The following ZFHX3 variants were observed in gnomAD, a reference collection of about 807,000 sequenced individuals.
ZFHX3 encodes the protein zinc finger homeobox protein 3.
ZFHX3 carries 42 observed loss-of-function variants against 279.1 expected under a neutral mutation model. The ratio of observed to expected loss-of-function variants is 0.15; its 90% CI spans 0.12 to 0.19. ZFHX3 has a LOEUF of 0.19. Ranked by LOEUF, ZFHX3 falls within the 10% of genes least tolerant of loss-of-function variation. ZFHX3 has a pLI of 1.00. For synonymous variants in ZFHX3, 2,293 were observed against 1,957.8 expected (o/e 1.17, Z -4.52); for missense variants, 4,981 against 4,754.0 (o/e 1.05, Z -1.40).
intron 3 of ZFHX3, among the ~76,000 whole-genome samples, chr16:73,429,927 G>A (rs868614293): frequency 1.2e-4 from 18 of 152,070 alleles, no homozygotes; most frequent in South Asian, 2.1e-4. Context: ...TTGCTCTGTC[G>A]CCCAGGCTGG....
At chr16:73,581,520 AG>A (rs2051860360) in intron 2 of ZFHX3, among the ~76,000 whole-genome samples, 1 of 151,838 alleles carries the variant, frequency 6.6e-6, no homozygotes. Context: ...CTAAGAATCA[AG>A]CTGAAGGGTT....
intron 1 of ZFHX3, among the ~76,000 whole-genome samples, chr16:73,819,109 T>G (rs1250133517): frequency 6.6e-6 from 1 of 152,062 alleles, no homozygotes; most frequent in Admixed American, 6.6e-5. Flanking sequence ...AGCTAGTAAT[T>G]GCTATGCAGT....
chr16:73,499,007 T>A (rs1460937457), intron 2 of ZFHX3, among the ~76,000 whole-genome samples: 1 of 152,202 alleles, frequency 6.6e-6, no homozygotes, highest in Non-Finnish European at 1.5e-5. Context: ...GTGAACTATG[T>A]GTTTATGAGA....
rs747710759 is a variant in ZFHX3 at position 72,797,967 on chromosome 16, T to C, written c.4715A>G (p.Lys1572Arg). 1 of 1,614,068 alleles carries C rather than the reference T, an allele frequency of 6.2e-7. No individual in the cohort carries two copies. Among genetic ancestry groups the C allele is most frequent in the African/African-American group, 1.3e-5 (1 of 74,920 alleles). Residue 1572 changes from lysine (K) to arginine (R), a missense_variant, in exon 9 of 10, where the codon AAG becomes AGG. Transcript: ENST00000268489. ...VHYNSVSHLH[K>R]LKRALQESAT... The stretch of plus-strand genomic sequence containing the variant: ...TGATTCTTGAAGGGCTCTCTTTAAC[T>C]TATGCAGGTGGGAGACAGAATTGTA...
At chr16:72,923,744 TA>T (rs1959277004) in intron 3 of ZFHX3, among the ~76,000 whole-genome samples, 1 of 151,954 alleles carries the variant, frequency 6.6e-6, no homozygotes, top group Non-Finnish European at 1.5e-5. Context: ...GTAGATGAAG[TA>T]GATGAAGTGG....
intron 2 of ZFHX3, among the ~76,000 whole-genome samples, chr16:73,481,132 C>T (rs932708859): frequency 6.6e-6 from 1 of 152,036 alleles, no homozygotes; most frequent in Non-Finnish European, 1.5e-5. Context: ...GGTTTGAGAC[C>T]AGCCCGGCCA....
At chr16:73,645,730 T>C (rs1051601752) in intron 2 of ZFHX3, among the ~76,000 whole-genome samples, 11 of 152,174 alleles carry the variant, frequency 7.2e-5, no homozygotes, top group Non-Finnish European at 1.2e-4. Flanking sequence ...GTAGAAAAAT[T>C]TGAAAAGCAT....
chr16:73,004,173 T>TTTTTTTTTTTG (rs1963614656), intron 1 of ZFHX3, among the ~76,000 whole-genome samples: 1 of 139,582 alleles, frequency 7.2e-6, no homozygotes, highest in South Asian at 2.4e-4. Flanking sequence ...TTTTTTTTTT[T>TTTTTTTTTTTG]TTTTTTTTTT....
chr16:72,839,617 T>C (rs188150261), intron 4 of ZFHX3, among the ~76,000 whole-genome samples: 2 of 151,724 alleles, frequency 1.3e-5, no homozygotes, highest in Admixed American at 6.6e-5. Flanking sequence ...GACAGAAAAT[T>C]TGATAAAGCC....
intron 7 of ZFHX3, among the ~76,000 whole-genome samples, chr16:73,126,249 G>T (rs1005775363): frequency 6.6e-6 from 1 of 152,154 alleles, no homozygotes; most frequent in Non-Finnish European, 1.5e-5. Flanking sequence ...AAATTTATCC[G>T]TGTGCAAGGC....
chr16:73,760,145 G>A (rs369052227), intron 1 of ZFHX3, among the ~76,000 whole-genome samples: 14 of 152,064 alleles, frequency 9.2e-5, no homozygotes, highest in Admixed American at 5.9e-4. Flanking sequence ...TACCATCAGA[G>A]AATACTATAA....
At chr16:72,837,659 TCTCA>T (rs1432370406) in intron 4 of ZFHX3, among the ~76,000 whole-genome samples, 1 of 151,858 alleles carries the variant, frequency 6.6e-6, no homozygotes, top group Non-Finnish European at 1.5e-5. Context: ...AGGGATGGGG[TCTCA>T]CTATGTTGCC....
chr16:73,335,667 G>A (rs187856196), intron 3 of ZFHX3, among the ~76,000 whole-genome samples: 224 of 152,216 alleles, frequency 1.5e-3, no homozygotes, highest in Admixed American at 2.9e-3. Flanking sequence ...TGTCCCCAAG[G>A]TCCTGCCATT....
At chr16:72,931,301 C>T (rs190826742) in intron 3 of ZFHX3, among the ~76,000 whole-genome samples, 246 of 152,096 alleles carry the variant, frequency 1.6e-3, no homozygotes, top group African/African-American at 5.5e-3. Flanking sequence ...AAGACGGTTT[C>T]GCATTAAGTT....
chr16:73,737,092 G>A (rs1192857001), intron 1 of ZFHX3, among the ~76,000 whole-genome samples: 2 of 151,940 alleles, frequency 1.3e-5, no homozygotes, highest in Non-Finnish European at 2.9e-5. Flanking sequence ...GGAGTGCAGG[G>A]GCAGCATCAC....
chr16:72,942,623 C>T (rs1194192153), intron 3 of ZFHX3, among the ~76,000 whole-genome samples: 4 of 152,158 alleles, frequency 2.6e-5, no homozygotes, highest in East Asian at 3.9e-4. Context: ...GACTTGTAAC[C>T]AGTACCTGAA....
intron 1 of ZFHX3, among the ~76,000 whole-genome samples, chr16:73,008,306 T>A (rs924585983): frequency 6.6e-6 from 1 of 152,232 alleles, no homozygotes; most frequent in Non-Finnish European, 1.5e-5. Context: ...AGTAACTTCA[T>A]TTCCTCTTTG....
intron 1 of ZFHX3, among the ~76,000 whole-genome samples, chr16:73,832,658 C>A (rs1961029841): frequency 6.6e-6 from 1 of 152,090 alleles, no homozygotes; most frequent in African/African-American, 2.4e-5. Context: ...AGCAATCCTC[C>A]CCCCTCAGCC....
At chr16:72,933,414 C>A (rs1395581598) in intron 3 of ZFHX3, among the ~76,000 whole-genome samples, 2 of 152,084 alleles carry the variant, frequency 1.3e-5, no homozygotes, top group African/African-American at 4.8e-5. Flanking sequence ...GAACATTTCA[C>A]CATTAGGTTT....
Sources: gnomAD v4.1 joint callset for allele counts (sites outside exome capture counted in the v4.1 genomes callset) on GRCh38, gnomAD v4.1.1 for gene constraint, MANE v1.5 for transcripts, NCBI Gene and HGNC (gene_info 2026-07-23, HGNC 2026-07-21) for gene names.